The following DCTN5 variants were observed in gnomAD, a reference collection of about 807,000 sequenced individuals.
The protein encoded by DCTN5 is dynactin subunit 5.
In DCTN5, 14 loss-of-function variants were observed where a neutral mutation model predicts 23.5. The ratio of observed to expected loss-of-function variants is 0.60; its 90% CI spans 0.39 to 0.93. DCTN5 has a LOEUF of 0.93. Among genes scored for constraint, DCTN5 ranks in the 40% least tolerant of loss-of-function variants. DCTN5 has a pLI of 0.00. For missense variants in DCTN5, 156 were observed against 225.9 expected, an observed-to-expected ratio of 0.69 and a Z score of 1.98; for synonymous variants, 67 against 79.6, an observed-to-expected ratio of 0.84 and a Z score of 0.84.
chr16:23,642,777 A>G, intron 1 of DCTN5, 178 bp from the exon 2 acceptor site: 1 of 601,708 alleles, frequency 1.7e-6, no homozygotes, highest in Non-Finnish European at 3.0e-6. Flanking sequence ...ATGAGCCACC[A>G]TACTCAGCCA....
At position 23,675,257 on chromosome 16, in the gene DCTN5, T is replaced by C. The variant is rs1968069237; in HGVS notation, c.*8113T>C. ...GATGGATGCATATGATCCCAGCACT[T>C]TGGGAGGCCGAGGTGGGCAGATTGC... On this transcript the variant is annotated 3_prime_UTR_variant, in exon 6 of 6. Transcript: ENST00000300087. 6.6e-6 allele frequency: 1 copy of C among 152,124 alleles called. No individual in the cohort carries two copies. Among genetic ancestry groups the C allele is most frequent in the Admixed American group, 6.5e-5 (1 of 15,288 alleles). 9.4% of individuals were successfully genotyped at this position (152,124 alleles called of 1,614,324 possible).
rs1959219659 is a variant in DCTN5, at chr16:23,675,914, G to A, written c.*8770G>A. The A allele has an allele frequency of 6.6e-6, 1 of 152,244 alleles. No homozygotes were observed. Among genetic ancestry groups the A allele is most frequent in the Non-Finnish European group, 1.5e-5 (1 of 68,054 alleles). 9.4% of individuals were successfully genotyped at this position (152,244 alleles called of 1,614,324 possible). ...CTTCAGGCAGTCCCTTGGAAGCCAA[G>A]GACTCTGGGAACTTTTCAGATGGGA... On this transcript the variant is annotated 3_prime_UTR_variant, in exon 6 of 6. Transcript: ENST00000300087.
chr16:23,652,006 G>A (rs1321795810), intron 2 of DCTN5, among the ~76,000 whole-genome samples: 1 of 152,186 alleles, frequency 6.6e-6, no homozygotes, highest in Non-Finnish European at 1.5e-5. Context: ...CTGTGCCCCA[G>A]CCTGAGCAAC....
intron 3 of DCTN5, among the ~76,000 whole-genome samples, chr16:23,659,465 G>A (rs1376996805): frequency 6.6e-6 from 1 of 152,194 alleles, no homozygotes; most frequent in Non-Finnish European, 1.5e-5. Flanking sequence ...CATGCCTGCA[G>A]CTGGGTTGTA....
intron 4 of DCTN5, among the ~76,000 whole-genome samples, chr16:23,664,291 C>T (rs192186438): frequency 1.6e-4 from 25 of 152,314 alleles, no homozygotes; most frequent in Admixed American, 3.9e-4. Flanking sequence ...AGATCAGCCA[C>T]TTGGGAAATT....
At chr16:23,650,480 A>ATTTTTTTTTT (rs528424379) in intron 2 of DCTN5, among the ~76,000 whole-genome samples, 1 of 133,922 alleles carries the variant, frequency 7.5e-6, no homozygotes. Flanking sequence ...CACCTGGCTA[A>ATTTTTTTTTT]TTTTTTTTTT....
Position 23,674,097 on chromosome 16 carries a change from T to A in DCTN5, c.*6953T>A, listed in dbSNP as rs1425437790. ...GAATCTCAAATTCTCAGATCCTAATTGCCTGGCCCTGACTCTAAGCTGAAA... is the reference window on the plus strand; with the variant it reads ...GAATCTCAAATTCTCAGATCCTAATAGCCTGGCCCTGACTCTAAGCTGAAA... On this transcript the variant is annotated 3_prime_UTR_variant, in exon 6 of 6. Transcript: ENST00000300087. The A allele has an allele frequency of 6.6e-6, 1 of 152,196 alleles. No individual in the cohort carries two copies. Among genetic ancestry groups the A allele is most frequent in the Non-Finnish European group, 1.5e-5 (1 of 68,036 alleles). 9.4% of individuals were successfully genotyped at this position (152,196 alleles called of 1,614,324 possible).
At chr16:23,656,932 G>C (rs1261319023) in intron 2 of DCTN5, among the ~76,000 whole-genome samples, 1 of 151,274 alleles carries the variant, frequency 6.6e-6, no homozygotes, top group Non-Finnish European at 1.5e-5. Context: ...CGGGGTTGCA[G>C]TGAGCCAAGA....
chr16:23,665,647 G>T lies in DCTN5; in HGVS notation c.370G>T (p.Asp124Tyr). 6.2e-7 allele frequency: 1 copy of T among 1,613,952 alleles called. No homozygotes were observed. Among genetic ancestry groups the T allele is most frequent in the Non-Finnish European group, 8.5e-7 (1 of 1,179,994 alleles). Residue 124 changes from aspartate to tyrosine, a missense_variant, in exon 5 of 6, where the codon GAC becomes TAC. Physicochemically the swap from Asp to Tyr is radical, Grantham distance 160 (BLOSUM62 -3). This residue lies in a region of DCTN5 where 153 missense variants were observed against 206.8 expected (regional missense o/e 0.74). Coordinates refer to ENST00000300087, the MANE Select transcript of DCTN5 (RefSeq NM_032486.4). ...CVIGRRCVLKDCCKILDNTVL... is the reference protein window; with the variant it reads ...CVIGRRCVLKYCCKILDNTVL... ...TCAGGGGCGCCGATGTGTGTTGAAA[G>T]ACTGCTGCAAAATTCTTGACAACAC...
At position 23,672,628 on chromosome 16, in the gene DCTN5, G is replaced by C. The variant is rs1489984854; in HGVS notation, c.*5484G>C. The C allele has an allele frequency of 6.6e-6, 1 of 152,224 alleles. No homozygotes were observed. Among genetic ancestry groups the C allele is most frequent in the Non-Finnish European group, 1.5e-5 (1 of 68,044 alleles). The allele number at this position is 152,224 out of a possible 1,614,324, so 9.4% of individuals were successfully genotyped here. A position where few individuals can be genotyped will look rare whatever the true frequency, so the allele number is the denominator to read the frequency against. ...GTGTAGTTGGGAGTCAGCAGAGTTG[G>C]GTTGGAATTCAAGCTTTGCCACCTG... On this transcript the variant is annotated 3_prime_UTR_variant, in exon 6 of 6. Transcript: ENST00000300087.
chr16:23,642,408 G>A (rs1967305995), intron 1 of DCTN5, among the ~76,000 whole-genome samples: 1 of 152,202 alleles, frequency 6.6e-6, no homozygotes, highest in Non-Finnish European at 1.5e-5. Flanking sequence ...AGTGGGATTT[G>A]AATCCGCGTC....
chr16:23,645,527 A>G (rs914588831), intron 2 of DCTN5, among the ~76,000 whole-genome samples: 1 of 152,110 alleles, frequency 6.6e-6, no homozygotes, highest in African/African-American at 2.4e-5. Context: ...ACCCCAAATA[A>G]AAACTCTACA....
chr16:23,660,602 C>T (rs1967791796), intron 3 of DCTN5, among the ~76,000 whole-genome samples: 1 of 152,208 alleles, frequency 6.6e-6, no homozygotes, highest in South Asian at 2.1e-4. Flanking sequence ...GCCCTTATCA[C>T]AGTTGTCACT....
In DCTN5 at chr16:23,676,160, T is replaced by A. The variant is rs1337469491; in HGVS notation, c.*9016T>A. ...AGCTTCCGCTTACTGGTCAGAGTTATACTGTGCCTGAATTGATGCCTCAGG... is the reference window on the plus strand; with the variant it reads ...AGCTTCCGCTTACTGGTCAGAGTTAAACTGTGCCTGAATTGATGCCTCAGG... On this transcript the variant is annotated 3_prime_UTR_variant, in exon 6 of 6. Transcript: ENST00000300087. 6.6e-6 allele frequency: 1 copy of A among 151,136 alleles called. No homozygotes were observed. The highest frequency in any genetic ancestry group is 1.5e-5 in the Non-Finnish European group (1 of 68,002). 9.4% of individuals were successfully genotyped at this position (151,136 alleles called of 1,614,324 possible). A position where few individuals can be genotyped will look rare whatever the true frequency, so the allele number is the denominator to read the frequency against.
intron 4 of DCTN5, among the ~76,000 whole-genome samples, chr16:23,663,059 A>C (rs1364323570): frequency 6.6e-6 from 1 of 152,236 alleles, no homozygotes; most frequent in Non-Finnish European, 1.5e-5. Flanking sequence ...CACTGGAAGT[A>C]ACTCTTTTAG....
chr16:23,650,673 C>T (rs1167413859), intron 2 of DCTN5: 2 of 1,304,016 alleles, frequency 1.5e-6, no homozygotes, highest in African/African-American at 1.5e-5. Flanking sequence ...CTTATCCACC[C>T]TCCTCTTGGT....
chr16:23,652,843 A>G (rs1414338816), intron 2 of DCTN5, among the ~76,000 whole-genome samples: 1 of 152,234 alleles, frequency 6.6e-6, no homozygotes, highest in African/African-American at 2.4e-5. Flanking sequence ...TAAAATTTAT[A>G]AAGATAAGAT....
At chr16:23,646,030 C>A (rs745862940) in intron 2 of DCTN5, among the ~76,000 whole-genome samples, 2 of 152,166 alleles carry the variant, frequency 1.3e-5, no homozygotes, top group Admixed American at 1.3e-4. Context: ...AATGGCTGCA[C>A]CATTTTACGT....
chr16:23,647,986 C>T (rs1292569992), intron 2 of DCTN5, among the ~76,000 whole-genome samples: 7 of 152,052 alleles, frequency 4.6e-5, no homozygotes, highest in Non-Finnish European at 1.0e-4. Flanking sequence ...CTCCCCTATT[C>T]CTATTTTTGC....
Sources: allele counts gnomAD v4.1 joint callset (sites outside exome capture counted in the v4.1 genomes callset), GRCh38; gene constraint gnomAD v4.1.1; regional missense constraint gnomAD v4.1.1; transcripts MANE v1.5; gene names NCBI Gene and HGNC (gene_info 2026-07-23, HGNC 2026-07-21).